Variants in STIM1 observed in about 807,000 individuals in gnomAD.
STIM1 encodes the protein stromal interaction molecule 1.
In STIM1, 25 loss-of-function variants were observed where a neutral mutation model predicts 74.7. The observed-to-expected ratio is 0.33, with a 90% CI of 0.24 to 0.47. The LOEUF (loss-of-function observed/expected upper bound fraction) is 0.47, where lower values mean the gene tolerates loss of function less well. Among genes scored for constraint, STIM1 ranks in the 20% least tolerant of loss-of-function variants. STIM1 has a pLI of 1.00. For synonymous variants in STIM1, 328 were observed against 348.8 expected, an observed-to-expected ratio of 0.94 and a Z score of 0.66; for missense variants, 728 against 920.8, an observed-to-expected ratio of 0.79 and a Z score of 2.71.
At chr11:4,042,235 GT>G (rs2094153689) in intron 3 of STIM1, among the ~76,000 whole-genome samples, 2 of 152,156 alleles carry the variant, frequency 1.3e-5, no homozygotes, top group East Asian at 1.9e-4. Context: ...CTTCTGCCTG[GT>G]ATGCCCTTCC....
chr11:3,972,036 G>A (rs1339052232), intron 2 of STIM1, among the ~76,000 whole-genome samples: 1 of 151,870 alleles, frequency 6.6e-6, no homozygotes, highest in African/African-American at 2.4e-5. Context: ...GACAAAGTTG[G>A]AAGGCTGGTT....
At chr11:3,965,566 T>C (rs1205536110) in intron 1 of STIM1, among the ~76,000 whole-genome samples, 1 of 152,212 alleles carries the variant, frequency 6.6e-6, no homozygotes, top group East Asian at 1.9e-4. Context: ...TGCCTTAATC[T>C]TTGGGTGTAT....
At chr11:4,015,101 G>A (rs1272119666) in intron 2 of STIM1, among the ~76,000 whole-genome samples, 4 of 152,186 alleles carry the variant, frequency 2.6e-5, no homozygotes, top group Non-Finnish European at 5.9e-5. Context: ...TATGATGCTA[G>A]CTGGTTATTT....
At chr11:4,064,616 A>C (rs1455113992) in intron 5 of STIM1, among the ~76,000 whole-genome samples, 1 of 152,198 alleles carries the variant, frequency 6.6e-6, no homozygotes, top group East Asian at 1.9e-4. Context: ...TTTGTCATGC[A>C]GTAGCCAAGA....
chr11:4,069,361 C>T (rs1207904539), intron 5 of STIM1, among the ~76,000 whole-genome samples: 1 of 152,120 alleles, frequency 6.6e-6, no homozygotes. Flanking sequence ...CAGGTGTTCT[C>T]TGAAAATAGC....
intron 3 of STIM1, among the ~76,000 whole-genome samples, chr11:4,032,933 A>C (rs2094063890): frequency 6.6e-6 from 1 of 152,234 alleles, no homozygotes; most frequent in South Asian, 2.1e-4. Flanking sequence ...GTCCTTGCCC[A>C]TGCCTATGTC....
At chr11:4,046,211 C>T (rs1286007301) in intron 3 of STIM1, among the ~76,000 whole-genome samples, 2 of 151,626 alleles carry the variant, frequency 1.3e-5, no homozygotes, top group African/African-American at 2.4e-5. Flanking sequence ...ATCACAGGCA[C>T]GCACCACCCC....
intron 2 of STIM1, among the ~76,000 whole-genome samples, chr11:4,005,901 A>G (rs2093775269): frequency 1.3e-5 from 2 of 152,156 alleles, no homozygotes; most frequent in African/African-American, 4.8e-5. Context: ...ATGTCCTAGA[A>G]CTCTGTAAAT....
chr11:3,902,888 G>A lies in STIM1; in HGVS notation c.139+46479G>A, dbSNP rs373932873. Among the ~76,000 whole-genome samples, 17 of 152,288 alleles carry A rather than the reference G, an allele frequency of 1.1e-4. No individual in the cohort carries two copies. In the East Asian group the frequency reaches 1.2e-3, roughly 10 times the overall value. On this transcript the variant is annotated intron_variant, in intron 1 of 12. Transcript: ENST00000526596. ...TAGAGGCAAAGGATCATAAATGATC[G>A]TCAGAAGGGAGCTGGTGGATTATGG...
intron 3 of STIM1, among the ~76,000 whole-genome samples, chr11:4,028,283 T>G (rs953187952): frequency 6.6e-6 from 1 of 152,114 alleles, no homozygotes; most frequent in Non-Finnish European, 1.5e-5. Context: ...GGTTTTACCA[T>G]GTTGGCTAGG....
At chr11:3,974,153 C>T (rs1161359669) in intron 2 of STIM1, 2 of 610,946 alleles carry the variant, frequency 3.3e-6, no homozygotes, top group East Asian at 5.7e-5. Context: ...TCATTGGACC[C>T]TCACTGGTCA....
chr11:4,091,142 ATT>A (rs2094522009), intron 12 of STIM1, 138 bp from the exon 13 acceptor site: 1 of 1,167,398 alleles, frequency 8.6e-7, no homozygotes, highest in African/African-American at 1.5e-5. Context: ...TGTTCATCCT[ATT>A]TCTCTCTCCT....
At chr11:4,017,929 G>A (rs149042348) in intron 2 of STIM1, among the ~76,000 whole-genome samples, 245 of 152,244 alleles carry the variant, frequency 1.6e-3, no homozygotes, top group African/African-American at 5.4e-3. Context: ...CAGAGAAATC[G>A]TTTTAAAAAT....
At chr11:3,987,613 C>G (rs1302667741) in intron 2 of STIM1, among the ~76,000 whole-genome samples, 1 of 152,164 alleles carries the variant, frequency 6.6e-6, no homozygotes, top group Non-Finnish European at 1.5e-5. Context: ...TTCAATATGT[C>G]TGATTAATCT....
At chr11:4,007,989 C>CCCCAAATTG (rs2093799561) in intron 2 of STIM1, among the ~76,000 whole-genome samples, 1 of 151,982 alleles carries the variant, frequency 6.6e-6, no homozygotes, top group Non-Finnish European at 1.5e-5. Flanking sequence ...CTTTAAGATA[C>CCCCAAATTG]CCCAAATTGT....
chr11:3,892,558 G>T, intron 1 of STIM1: 1 of 1,601,374 alleles, frequency 6.2e-7, no homozygotes. Flanking sequence ...TGAAAAACTG[G>T]GAACTGTTTG....
chr11:3,959,059 A>G (rs754759612), intron 1 of STIM1, among the ~76,000 whole-genome samples: 3 of 151,936 alleles, frequency 2.0e-5, no homozygotes, highest in African/African-American at 7.3e-5. Context: ...CTTGAACTTC[A>G]TGGTCCTTGA....
At position 3,983,741 on chromosome 11, in the gene STIM1, C is replaced by G. The variant is rs115438214; in HGVS notation, c.270+16059C>G. On this transcript the variant is annotated intron_variant, in intron 2 of 12. Coordinates refer to ENST00000526596, the MANE Select transcript of STIM1 (RefSeq NM_001382567.1). ...ATACCGGCACCTGAGAAGCAGAGCT[C>G]TCCTTTTGGTCCCTGGACCCAATTC... 9.4e-3 allele frequency among the ~76,000 whole-genome samples: 1,431 copies of G among 152,306 alleles called. 26 individuals are homozygous for G. The highest frequency in any genetic ancestry group is 0.033 in the African/African-American group (1,353 of 41,552).
intron 1 of STIM1, among the ~76,000 whole-genome samples, chr11:3,908,256 G>C (rs1413732446): frequency 6.6e-6 from 1 of 152,114 alleles, no homozygotes; most frequent in Non-Finnish European, 1.5e-5. Context: ...ATATATATTT[G>C]TTTACTTTTC....
Sources: gnomAD v4.1 joint callset for allele counts (sites outside exome capture counted in the v4.1 genomes callset) on GRCh38, gnomAD v4.1.1 for gene constraint, MANE v1.5 for transcripts, NCBI Gene and HGNC (gene_info 2026-07-23, HGNC 2026-07-21) for gene names.